Variants in ABCC4 observed in about 807,000 individuals in gnomAD.
ABCC4 encodes the protein ATP-binding cassette sub-family C member 4.
A neutral mutation model predicts 168.5 loss-of-function variants in ABCC4; 102 were observed. The ratio of observed to expected loss-of-function variants is 0.61; its 90% confidence interval spans 0.52 to 0.71. The LOEUF (loss-of-function observed/expected upper bound fraction) is 0.71, where lower values mean the gene tolerates loss of function less well. ABCC4 is among the 30% of genes least tolerant of loss of function. ABCC4 has a pLI of 0.00. For synonymous variants in ABCC4, 617 were observed against 590.7 expected, an observed-to-expected ratio of 1.04 and a Z score of -0.65; for missense variants, 1,402 against 1,605.8, an observed-to-expected ratio of 0.87 and a Z score of 2.17.
At chr13:95,108,627 G>A (rs7332523) in intron 20 of ABCC4, among the ~76,000 whole-genome samples, 3,051 of 150,150 alleles carry the variant, frequency 0.02, 85 homozygotes, top group African/African-American at 0.071. Flanking sequence ...CTGTGAGTCC[G>A]TTAAATCTAT....
chr13:95,058,866 A>G (rs904593778), intron 26 of ABCC4, among the ~76,000 whole-genome samples: 5 of 152,168 alleles, frequency 3.3e-5, no homozygotes, highest in Admixed American at 6.5e-5. Context: ...AGGCAGCAGG[A>G]GCCCGGCCAA....
In ABCC4 at chr13:95,057,314, A is replaced by G. The variant is rs375727383; in HGVS notation, c.3367-4130T>C. On this transcript the variant is annotated intron_variant, in intron 26 of 30. Coordinates refer to ENST00000645237, the MANE Select transcript of ABCC4 (RefSeq NM_005845.5). ...GAGTGCAGTGGCACAATCTCAGCTC[A>G]TGGCAACCTCTGCCTCTGGGGTTCA... Among the ~76,000 whole-genome samples the G allele has an allele frequency of 2.2e-4, 33 of 152,004 alleles. No homozygotes were observed. In the East Asian group the frequency reaches 5.0e-3, roughly 23 times the overall value.
Position 95,232,095 on chromosome 13 carries a change from C to T in ABCC4, c.531+2515G>A, listed in dbSNP as rs1316541625. ...TAGAAGAGAGTACAGGAGAATAACA[C>T]AGATGATGATGATGCTGCTGCTGCT... On this transcript the variant is annotated intron_variant, in intron 4 of 30. Transcript: ENST00000645237. Among the ~76,000 whole-genome samples the T allele has an allele frequency of 2.7e-5, 4 of 148,174 alleles. No homozygotes were observed. The Admixed American group carries it at 2.7e-4, about 10-fold the overall frequency.
At chr13:95,040,917 A>C (rs1379973775) in intron 29 of ABCC4, among the ~76,000 whole-genome samples, 1 of 152,236 alleles carries the variant, frequency 6.6e-6, no homozygotes. Flanking sequence ...TCACTCCCGA[A>C]GAATTCTCTA....
At chr13:95,044,514 A>T (rs1456000981) in intron 27 of ABCC4, 76 bp from the exon 28 acceptor site, 2 of 1,326,490 alleles carry the variant, frequency 1.5e-6, no homozygotes, top group Non-Finnish European at 2.0e-6. Flanking sequence ...AGACATTAGA[A>T]CCTTCAAGTC....
chr13:95,276,434 GT>G (rs2040972608), intron 1 of ABCC4, among the ~76,000 whole-genome samples: 4 of 130,704 alleles, frequency 3.1e-5, no homozygotes, highest in Admixed American at 7.8e-5. Context: ...AAAAAAAAAA[GT>G]GAACGAAGCT....
intron 20 of ABCC4, among the ~76,000 whole-genome samples, chr13:95,104,040 T>C (rs2034910507): frequency 6.6e-6 from 1 of 152,172 alleles, no homozygotes; most frequent in South Asian, 2.1e-4. Flanking sequence ...GATGTGAACT[T>C]GTATTTGGCC....
chr13:95,186,972 C>A, intron 10 of ABCC4, 80 bp from the exon 11 acceptor site: 2 of 1,244,418 alleles, frequency 1.6e-6, no homozygotes, highest in Non-Finnish European at 2.1e-6. Context: ...CCTTGCCCAG[C>A]CCTGGGAGCT....
At chr13:95,106,172 G>C (rs546286046) in intron 20 of ABCC4, among the ~76,000 whole-genome samples, 4 of 152,084 alleles carry the variant, frequency 2.6e-5, no homozygotes, top group South Asian at 2.1e-4. Flanking sequence ...TACAAGGCTG[G>C]CTAAAATGTA....
intron 29 of ABCC4, chr13:95,043,356 C>A: frequency 4.3e-6 from 1 of 230,558 alleles, no homozygotes; most frequent in Non-Finnish European, 8.4e-6. Flanking sequence ...ACAACTGTGA[C>A]AGTGACAATG....
chr13:95,162,693 G>A (rs1286417456), intron 18 of ABCC4, among the ~76,000 whole-genome samples: 1 of 152,168 alleles, frequency 6.6e-6, no homozygotes, highest in Non-Finnish European at 1.5e-5. Flanking sequence ...TGGGGGCCTT[G>A]CTGCCAGAGG....
chr13:95,233,250 T>C (rs562515262), intron 4 of ABCC4, among the ~76,000 whole-genome samples: 24 of 152,034 alleles, frequency 1.6e-4, no homozygotes, highest in African/African-American at 5.3e-4. Flanking sequence ...CATTATATAA[T>C]GTATATTTAC....
At chr13:95,092,437 GCAAATAC>G (rs2034464735) in intron 20 of ABCC4, among the ~76,000 whole-genome samples, 1 of 151,996 alleles carries the variant, frequency 6.6e-6, no homozygotes, top group Non-Finnish European at 1.5e-5. Context: ...TCAAAACCAT[GCAAATAC>G]ATGGAAATTA....
intron 1 of ABCC4, among the ~76,000 whole-genome samples, chr13:95,252,535 C>T (rs561708452): frequency 3.3e-5 from 5 of 151,978 alleles, no homozygotes; most frequent in Admixed American, 6.6e-5. Context: ...ATTACCCAGG[C>T]GTGGTGGCAG....
Position 95,178,063 on chromosome 13 carries a change from A to G in ABCC4, c.1574T>C (p.Leu525Pro). 6.2e-7 allele frequency: 1 copy of G among 1,614,204 alleles called. No individual in the cohort carries two copies. The highest frequency in any genetic ancestry group is 8.5e-7 in the Non-Finnish European group (1 of 1,180,008). ...KDLQLLEDGD[L>P]TVIGDRGTTL... is the part of the protein sequence containing the mutation. ...GGTTCCCCGATCTCCTATCACAGTC[A>G]GATCACCATCCTCCAACAGCTGTAA... Residue 525 changes from leucine to proline, a missense_variant, in exon 12 of 31, where the codon CTG becomes CCG. Transcript: ENST00000645237.
chr13:95,020,480 C>G lies in ABCC4; in HGVS notation c.*1095G>C, dbSNP rs778861951. On this transcript the variant is annotated 3_prime_UTR_variant, in exon 31 of 31. Transcript: ENST00000645237. The stretch of plus-strand genomic sequence containing the variant: ...CAGGAAGTATTGTGGTTTGTTGATT[C>G]ATTCAACAGAAAGCCCAAATGACAA... The G allele has an allele frequency of 2.6e-5, 4 of 152,478 alleles. No individual in the cohort carries two copies. Among genetic ancestry groups the G allele is most frequent in the African/African-American group, 7.2e-5 (3 of 41,444 alleles). The allele number at this position is 152,478 out of a possible 1,614,324, so 9.4% of individuals were successfully genotyped here.
intron 1 of ABCC4, among the ~76,000 whole-genome samples, chr13:95,269,626 A>G (rs1311751927): frequency 2.6e-5 from 4 of 152,140 alleles, no homozygotes; most frequent in South Asian, 4.1e-4. Context: ...CAGGATGTTA[A>G]CCTTATAATT....
chr13:95,207,950 T>C, intron 6 of ABCC4, 25 bp from the exon 7 acceptor site: 2 of 1,608,572 alleles, frequency 1.2e-6, no homozygotes, highest in Non-Finnish European at 1.7e-6. Flanking sequence ...ACACGGGAGA[T>C]GAGCCTGAGC....
Position 95,083,071 on chromosome 13 carries a change from T to C in ABCC4, c.2686+69A>G, listed in dbSNP as rs372760148. The C allele has an allele frequency of 1.7e-5, 26 of 1,516,608 alleles. No homozygotes were observed. In the African/African-American group the frequency reaches 2.9e-4, roughly 17 times the overall value. 93.9% of individuals were successfully genotyped at this position (1,516,608 alleles called of 1,614,324 possible). A position where few individuals can be genotyped will look rare whatever the true frequency, so the allele number is the denominator to read the frequency against. ...ACAGAGTCTGCCGAATTTCAGGGGG[T>C]CTCTGTAATTTATGGCATAAATGGA... On this transcript the variant is annotated intron_variant, in intron 21 of 30. Transcript: ENST00000645237.
Sources: allele counts gnomAD v4.1 joint callset (sites outside exome capture counted in the v4.1 genomes callset), GRCh38; gene constraint gnomAD v4.1.1; transcripts MANE v1.5; gene names NCBI Gene and HGNC (gene_info 2026-07-23, HGNC 2026-07-21).